The following KIAA0825 variants were observed in gnomAD, a reference collection of about 807,000 sequenced individuals.
KIAA0825 encodes KIAA0825.
A neutral mutation model predicts 147.6 loss-of-function variants in KIAA0825; 119 were observed. That is an observed-to-expected ratio of 0.81 (90% CI 0.69 to 0.94). KIAA0825 has a LOEUF of 0.94. Ranked by LOEUF, KIAA0825 falls within the 40% of genes least tolerant of loss-of-function variation. The probability of loss-of-function intolerance (pLI) is 0.00; values close to 1 mark genes in which losing one functional copy is unlikely to be tolerated. For missense variants in KIAA0825, 1,381 were observed against 1,472.7 expected (o/e 0.94, Z 1.02); for synonymous variants, 470 against 518.1 (o/e 0.91, Z 1.26).
intron 20 of KIAA0825, among the ~76,000 whole-genome samples, chr5:94,251,451 C>G (rs1775958574): frequency 6.6e-6 from 1 of 152,006 alleles, no homozygotes; most frequent in South Asian, 2.1e-4. Context: ...CCGCTTATCC[C>G]TAAAGGCCAT....
intron 20 of KIAA0825, among the ~76,000 whole-genome samples, chr5:94,321,027 A>T (rs1410172412): frequency 6.6e-6 from 1 of 152,080 alleles, no homozygotes; most frequent in Non-Finnish European, 1.5e-5. Context: ...GAGATTTAAG[A>T]AGTAGTTATG....
intron 2 of KIAA0825, among the ~76,000 whole-genome samples, chr5:94,552,805 T>C (rs1363448883): frequency 6.6e-6 from 1 of 152,174 alleles, no homozygotes; most frequent in African/African-American, 2.4e-5. Context: ...TTACATATGA[T>C]AGCTAAAAAA....
At chr5:94,215,866 T>G (rs556298484) in intron 20 of KIAA0825, among the ~76,000 whole-genome samples, 1 of 152,216 alleles carries the variant, frequency 6.6e-6, no homozygotes, top group African/African-American at 2.4e-5. Flanking sequence ...CGTAAACCCC[T>G]AAGCATCCCT....
chr5:94,609,375 T>G (rs1408473127), intron 1 of KIAA0825, among the ~76,000 whole-genome samples: 6 of 152,196 alleles, frequency 3.9e-5, no homozygotes, highest in Non-Finnish European at 7.4e-5. Flanking sequence ...TTTTTAAAGC[T>G]GTTTTTGTTA....
At chr5:94,583,367 T>C (rs1357223474) in intron 1 of KIAA0825, among the ~76,000 whole-genome samples, 1 of 152,244 alleles carries the variant, frequency 6.6e-6, no homozygotes, top group Non-Finnish European at 1.5e-5. Flanking sequence ...TGTGTCTGGC[T>C]TGGTGGGCCC....
intron 20 of KIAA0825, among the ~76,000 whole-genome samples, chr5:94,172,557 G>C (rs1181822182): frequency 2.0e-5 from 3 of 152,134 alleles, no homozygotes; most frequent in Admixed American, 1.3e-4. Context: ...CTGGCTCACA[G>C]TATCTCATAT....
chr5:94,278,508 T>A (rs1032595296), intron 20 of KIAA0825, among the ~76,000 whole-genome samples: 1 of 152,122 alleles, frequency 6.6e-6, no homozygotes, highest in Non-Finnish European at 1.5e-5. Flanking sequence ...AAAGATAGTA[T>A]CTATGTGTTT....
intron 20 of KIAA0825, among the ~76,000 whole-genome samples, chr5:94,344,310 C>T (rs536191175): frequency 4.1e-4 from 63 of 152,100 alleles, no homozygotes; most frequent in African/African-American, 1.5e-3. Context: ...GCAAGAATCT[C>T]GCAAACTGAG....
At chr5:94,286,570 A>G (rs1448304116) in intron 20 of KIAA0825, among the ~76,000 whole-genome samples, 1 of 151,102 alleles carries the variant, frequency 6.6e-6, no homozygotes, top group Non-Finnish European at 1.5e-5. Context: ...TTTTTTTTTT[A>G]GAGACTGGGT....
intron 20 of KIAA0825, among the ~76,000 whole-genome samples, chr5:94,383,787 C>CTGTGTGTG (rs6149118): frequency 0.01 from 1,503 of 145,434 alleles, 12 homozygotes; most frequent in East Asian, 0.02. Context: ...TTATACTGCT[C>CTGTGTGTG]TGTGTGTGTG....
At chr5:94,182,299 A>T (rs191517942) in intron 20 of KIAA0825, among the ~76,000 whole-genome samples, 117 of 92,478 alleles carry the variant, frequency 1.3e-3, no homozygotes, top group African/African-American at 4.8e-3. Flanking sequence ...TTTCTCTGTC[A>T]CCAGGGCTGG....
At chr5:94,598,436 A>G (rs190699495) in intron 1 of KIAA0825, among the ~76,000 whole-genome samples, 65 of 152,184 alleles carry the variant, frequency 4.3e-4, no homozygotes, top group Non-Finnish European at 7.8e-4. Context: ...GAAATATTCT[A>G]TAACAATGCT....
intron 20 of KIAA0825, among the ~76,000 whole-genome samples, chr5:94,203,012 A>G (rs1467502653): frequency 6.6e-6 from 1 of 152,156 alleles, no homozygotes; most frequent in Non-Finnish European, 1.5e-5. Flanking sequence ...TCAGGTGAAC[A>G]AAGGCCCTAG....
chr5:94,151,873 T>A lies in KIAA0825; in HGVS notation c.*2134A>T, dbSNP rs1194366416. On this transcript the variant is annotated 3_prime_UTR_variant, in exon 21 of 21. Transcript: ENST00000682413. ...CTTTCCATTTTTGCATCTTGTCTAA[T>A]GAAGCACAGTTATGCAGATTTAGTA... is the stretch of plus-strand genomic sequence containing the variant. 6.6e-6 allele frequency among the ~76,000 whole-genome samples: 1 copy of A among 152,248 alleles called. No homozygotes were observed. The highest frequency in any genetic ancestry group is 1.5e-5 in the Non-Finnish European group (1 of 68,046).
At chr5:94,329,187 T>G (rs1490161899) in intron 20 of KIAA0825, among the ~76,000 whole-genome samples, 1 of 152,080 alleles carries the variant, frequency 6.6e-6, no homozygotes, top group Non-Finnish European at 1.5e-5. Context: ...AGAAGGTTTT[T>G]TTTAATTGAG....
intron 2 of KIAA0825, chr5:94,569,382 C>T (rs1779418954): frequency 5.2e-6 from 2 of 384,620 alleles, no homozygotes; most frequent in African/African-American, 2.1e-5. Context: ...AACACTAAGC[C>T]CCCATAAATA....
chr5:94,387,775 G>A (rs1027060997), intron 18 of KIAA0825, among the ~76,000 whole-genome samples: 2 of 152,088 alleles, frequency 1.3e-5, no homozygotes, highest in Non-Finnish European at 2.9e-5. Context: ...TCAATGGTTG[G>A]TGCTGAAAGG....
rs749952108 is a variant in KIAA0825 at position 94,520,664 on chromosome 5, G to A, written c.554C>T (p.Ser185Leu). The change falls in exon 5 of 21, where the codon TCA becomes TTA. Residue 185 changes from serine to leucine, a missense_variant. Transcript: ENST00000682413. ...CTTTTTCAATAAAATTTTTTGCTGT[G>A]AATTGTTTATTTCATTATGGCTTTG... ...KLQSHNEINNSQQKILLKKQC... is the reference protein window; with the variant it reads ...KLQSHNEINNLQQKILLKKQC... 3 of 1,613,196 alleles carry A rather than the reference G, an allele frequency of 1.9e-6. No individual in the cohort carries two copies. The East Asian group carries it at 6.7e-5, about 36-fold the overall frequency.
chr5:94,408,251 T>C (rs558161119), intron 15 of KIAA0825, among the ~76,000 whole-genome samples: 13 of 152,340 alleles, frequency 8.5e-5, no homozygotes, highest in African/African-American at 2.9e-4. Context: ...GGAGTATAAA[T>C]TCCAGCAGTG....
Sources: gnomAD v4.1 joint callset for allele counts (sites outside exome capture counted in the v4.1 genomes callset) on GRCh38, gnomAD v4.1.1 for gene constraint, MANE v1.5 for transcripts, NCBI Gene and HGNC (gene_info 2026-07-23, HGNC 2026-07-21) for gene names.